NFIX: variants seen among roughly 807,000 people sequenced by gnomAD.
NFIX encodes nuclear factor 1 X-type.
NFIX carries 2 observed loss-of-function variants against 53.3 expected under a neutral mutation model. The observed-to-expected ratio is 0.04, with a 90% CI of 0.02 to 0.12. The LOEUF (loss-of-function observed/expected upper bound fraction) is 0.12, where lower values mean the gene tolerates loss of function less well. NFIX is among the 10% of genes least tolerant of loss of function. NFIX has a pLI of 1.00. For missense variants in NFIX, 310 were observed against 674.5 expected (o/e 0.46, Z 5.99); for synonymous variants, 244 against 289.0 (o/e 0.84, Z 1.58).
chr19:12,995,506 T>TGCG lies in NFIX; in HGVS notation c.-315_-313dup, dbSNP rs915304342. The TGCG allele has an allele frequency of 3.2e-4, 48 of 151,900 alleles. No homozygotes were observed. The highest frequency in any genetic ancestry group is 9.0e-4 in the South Asian group (5 of 5,560). 9.4% of individuals were successfully genotyped at this position (151,900 alleles called of 1,614,324 possible). On this transcript the variant is annotated 5_prime_UTR_variant, in exon 1 of 11. Coordinates refer to ENST00000592199, the MANE Select transcript of NFIX (RefSeq NM_001365902.3). ...ACTTTCACTTTCACAGCGCGGCGGC[T>TGCG]GCGGCGGCGGCGGCGGCGGGCGAGG...
In NFIX at chr19:13,036,744, CTGGCTATAAA is replaced by C. The variant is rs1167751854; in HGVS notation, c.559+11194_559+11203del. Among the ~76,000 whole-genome samples the C allele has an allele frequency of 6.6e-6, 1 of 152,134 alleles. No homozygotes were observed. Among genetic ancestry groups the C allele is most frequent in the Non-Finnish European group, 1.5e-5 (1 of 68,030 alleles). ...AGGGGGTGTAATAAGTGTATATCCTCTGGCTATAAATAGCCACCAGCCCCACACCAAATAT... is the reference window on the plus strand; with the variant it reads ...AGGGGGTGTAATAAGTGTATATCCTCTAGCCACCAGCCCCACACCAAATAT... On this transcript the variant is annotated intron_variant, in intron 2 of 10. Transcript: ENST00000592199. This position sits in a 1 kb window ranked among gnomAD's most constrained non-coding sequence, Gnocchi z 4.7.
At chr19:13,003,565 A>G (rs1260202958) in intron 1 of NFIX, among the ~76,000 whole-genome samples, 2 of 152,128 alleles carry the variant, frequency 1.3e-5, no homozygotes, top group East Asian at 3.9e-4. Flanking sequence ...GCTCTCAGAC[A>G]CACAAAACAC....
At chr19:13,055,767 C>G (rs550372622) in intron 2 of NFIX, among the ~76,000 whole-genome samples, 19 of 152,306 alleles carry the variant, frequency 1.2e-4, no homozygotes, top group African/African-American at 4.3e-4. Flanking sequence ...CCCAGCCTCT[C>G]CTCTGGGTCC....
chr19:13,024,113 C>CAAAAAAAAAAAAAAAAAACAAAA, intron 1 of NFIX: 2 of 412,068 alleles, frequency 4.9e-6, no homozygotes, highest in South Asian at 2.7e-5. Context: ...AGCAAACAAC[C>CAAAAAAAAAAAAAAAAAACAAAA]AAAAAAAAAA....
chr19:13,082,150 A>G, intron 8 of NFIX: 3 of 397,336 alleles, frequency 7.6e-6, no homozygotes, highest in Non-Finnish European at 1.4e-5. Flanking sequence ...GAGTGAACTC[A>G]TGATGATCCA....
chr19:13,039,710 C>T (rs1034137663), intron 2 of NFIX, among the ~76,000 whole-genome samples: 1 of 152,266 alleles, frequency 6.6e-6, no homozygotes, highest in African/African-American at 2.4e-5. Context: ...TATTTTGCTC[C>T]GTTGTGATAC....
chr19:13,018,335 C>CGGGGGG (rs59494074), intron 1 of NFIX, among the ~76,000 whole-genome samples: 1 of 11,232 alleles, frequency 8.9e-5, no homozygotes, highest in East Asian at 3.5e-3. Context: ...AAGGAAGGGG[C>CGGGGGG]GGGGGGGGGG....
At chr19:13,038,214 A>T (rs1397094402) in intron 2 of NFIX, among the ~76,000 whole-genome samples, 1 of 152,180 alleles carries the variant, frequency 6.6e-6, no homozygotes, top group Non-Finnish European at 1.5e-5. Flanking sequence ...GCAGTATGGT[A>T]TTGGTGTGGA....
At position 13,040,355 on chromosome 19, in the gene NFIX, A is replaced by G. The variant is rs1169320992; in HGVS notation, c.559+14803A>G. On this transcript the variant is annotated intron_variant, in intron 2 of 10. Transcript: ENST00000592199. This position sits in a 1 kb window ranked among gnomAD's most constrained non-coding sequence, Gnocchi z 4.2. ...CAAAGCACACAGCCCCCCAGAGGCCATGTCCTCTCCAGACTTGGTCTGCGG... is the reference window on the plus strand; with the variant it reads ...CAAAGCACACAGCCCCCCAGAGGCCGTGTCCTCTCCAGACTTGGTCTGCGG... Among the ~76,000 whole-genome samples, 1 of 152,124 alleles carries G rather than the reference A, an allele frequency of 6.6e-6. No individual in the cohort carries two copies. The highest frequency in any genetic ancestry group is 2.4e-5 in the African/African-American group (1 of 41,438).
At chr19:13,034,473 C>T (rs921688754) in intron 2 of NFIX, among the ~76,000 whole-genome samples, 2 of 152,172 alleles carry the variant, frequency 1.3e-5, no homozygotes, top group African/African-American at 4.8e-5. Flanking sequence ...CTTTTCATAT[C>T]TCCCTGGAGC....
In NFIX at chr19:13,025,496, T is replaced by C; in HGVS notation, c.503T>C (p.Ile168Thr). 4 of 1,614,008 alleles carry C rather than the reference T, an allele frequency of 2.5e-6. No homozygotes were observed. The highest frequency in any genetic ancestry group is 1.7e-6 in the Non-Finnish European group (2 of 1,179,886). Residue 168 changes from isoleucine (I) to threonine (T), a missense_variant, in exon 2 of 11, where the codon ATT (isoleucine) becomes ACT (threonine). By Grantham distance (89) the Ile-to-Thr change is moderately conservative (BLOSUM62 -1). This residue lies in a region of NFIX where 164 missense variants were observed against 284.4 expected (regional missense o/e 0.58). Coordinates refer to ENST00000592199, the MANE Select transcript of NFIX (RefSeq NM_001365902.3). The surrounding 1 kb of genome is among the most constrained non-coding windows in gnomAD (Gnocchi z 7.5). ...NPGLCVQPHH[I>T]GVTIKELDLY... Reference sequence around the variant, plus strand: ...GGCCTGTGCGTCCAGCCACATCACATTGGAGTCACAATCAAAGAACTGGAT... The same window carrying C: ...GGCCTGTGCGTCCAGCCACATCACACTGGAGTCACAATCAAAGAACTGGAT...
rs570248653 is a variant in NFIX at position 13,062,518 on chromosome 19, G to A, written c.560-10529G>A. ...GAGGGCTTGTCCTCAAGGGGCTGAT[G>A]GTCTAGTGGGGTGTTCCTGGTCAGG... On this transcript the variant is annotated intron_variant, in intron 2 of 10. Coordinates refer to ENST00000592199, the MANE Select transcript of NFIX (RefSeq NM_001365902.3). 5.3e-5 allele frequency among the ~76,000 whole-genome samples: 8 copies of A among 152,312 alleles called. No individual in the cohort carries two copies. The East Asian group carries it at 1.5e-3, about 29-fold the overall frequency.
At position 13,052,957 on chromosome 19, in the gene NFIX, A is replaced by G. The variant is rs138943008; in HGVS notation, c.560-20090A>G. ...CAGACAGAAACCTGCCTTCTCCTCC[A>G]TCCCCACTTGAAGCTGCTGGTACTG... On this transcript the variant is annotated intron_variant, in intron 2 of 10. Transcript: ENST00000592199. The surrounding 1 kb of genome is among the most constrained non-coding windows in gnomAD (Gnocchi z 5.2). Among the ~76,000 whole-genome samples, 84 of 152,308 alleles carry G rather than the reference A, an allele frequency of 5.5e-4. 1 individual carries two copies. The East Asian group carries it at 0.014, about 25-fold the overall frequency.
At chr19:13,074,183 A>G (rs1230531791) in intron 5 of NFIX, among the ~76,000 whole-genome samples, 157 bp downstream of exon 5, 1 of 152,176 alleles carries the variant, frequency 6.6e-6, no homozygotes, top group Non-Finnish European at 1.5e-5. Context: ...AGAGTCCACC[A>G]TGCGCAGTCA....
intron 1 of NFIX, among the ~76,000 whole-genome samples, chr19:13,016,315 C>T (rs1203790023): frequency 6.6e-6 from 1 of 152,156 alleles, no homozygotes; most frequent in Non-Finnish European, 1.5e-5. Context: ...GATATAAAAG[C>T]TAGCAGGCAT....
chr19:12,999,488 AC>A (rs2011596741), intron 1 of NFIX, among the ~76,000 whole-genome samples: 1 of 11,580 alleles, frequency 8.6e-5, no homozygotes, highest in Non-Finnish European at 1.4e-4. Flanking sequence ...ACCTTTTCAA[AC>A]ACACACACAC....
At chr19:13,084,774 G>A (rs1211433935) in intron 8 of NFIX, among the ~76,000 whole-genome samples, 1 of 152,050 alleles carries the variant, frequency 6.6e-6, no homozygotes, top group African/African-American at 2.4e-5. Context: ...TCTGTAAGGT[G>A]AAAGTGAGGA....
chr19:13,010,985 T>A (rs1345207876), intron 1 of NFIX, among the ~76,000 whole-genome samples: 1 of 152,228 alleles, frequency 6.6e-6, no homozygotes, highest in Non-Finnish European at 1.5e-5. Context: ...TTGAAATTTG[T>A]ACCTTTATAT....
chr19:13,067,557 C>T lies in NFIX; in HGVS notation c.560-5490C>T, dbSNP rs1210132943. Among the ~76,000 whole-genome samples the T allele has an allele frequency of 2.0e-5, 3 of 152,036 alleles. No individual in the cohort carries two copies. Among genetic ancestry groups the T allele is most frequent in the Non-Finnish European group, 4.4e-5 (3 of 68,000 alleles). On this transcript the variant is annotated intron_variant, in intron 2 of 10. Transcript: ENST00000592199. The surrounding 1 kb of genome is among the most constrained non-coding windows in gnomAD (Gnocchi z 4.2). ...GAGTGTATGCATCCAAGTGTATGCA[C>T]ATACCTGGGTATGCATATGTGGGTT...
Sources: gnomAD v4.1 joint callset for allele counts (sites outside exome capture counted in the v4.1 genomes callset) on GRCh38, gnomAD v4.1.1 for gene constraint, gnomAD v4.1.1 regional missense constraint, Gnocchi (gnomAD v3.1) non-coding constraint, MANE v1.5 for transcripts, NCBI Gene and HGNC (gene_info 2026-07-23, HGNC 2026-07-21) for gene names.